Variants in CNMD observed in about 807,000 individuals in gnomAD.
The protein encoded by CNMD is chondromodulin, also known as leukocyte cell-derived chemotaxin 1.
Under a neutral mutation model 37.5 loss-of-function variants are expected in CNMD, and 30 were observed. That is an observed-to-expected ratio of 0.80 (90% CI 0.60 to 1.09). CNMD has a LOEUF of 1.09. Among genes scored for constraint, CNMD ranks in the 50% least tolerant of loss-of-function variants. The pLI, the probability that CNMD is intolerant of heterozygous loss-of-function variation, is 0.00. For missense variants in CNMD, 398 were observed against 423.9 expected, an observed-to-expected ratio of 0.94 and a Z score of 0.54; for synonymous variants, 167 against 148.2, an observed-to-expected ratio of 1.13 and a Z score of -0.92.
chr13:52,736,059 T>C (rs981618320), intron 2 of CNMD, among the ~76,000 whole-genome samples: 4 of 151,446 alleles, frequency 2.6e-5, no homozygotes, highest in Admixed American at 1.3e-4. Context: ...AGTGGCACAA[T>C]CTCCACTCAC....
chr13:52,719,551 G>C (rs905506343), intron 4 of CNMD, among the ~76,000 whole-genome samples: 1 of 152,202 alleles, frequency 6.6e-6, no homozygotes, highest in Admixed American at 6.5e-5. Flanking sequence ...GCATTTGCTT[G>C]TCTGTAAAGG....
intron 3 of CNMD, among the ~76,000 whole-genome samples, chr13:52,727,460 G>A (rs989027653): frequency 1.3e-5 from 2 of 152,078 alleles, no homozygotes; most frequent in African/African-American, 4.8e-5. Context: ...CCAGGAGTTC[G>A]CAACCAGCCT....
In CNMD at chr13:52,739,498, C is replaced by A; in HGVS notation, c.72+132G>T. 1.2e-6 allele frequency: 1 copy of A among 837,320 alleles called. No homozygotes were observed. Among genetic ancestry groups the A allele is most frequent in the South Asian group, 1.6e-5 (1 of 63,260 alleles). 51.9% of individuals were successfully genotyped at this position (837,320 alleles called of 1,614,324 possible). A position where few individuals can be genotyped will look rare whatever the true frequency, so the allele number is the denominator to read the frequency against. On this transcript the variant is annotated intron_variant, in intron 1 of 6. Transcript: ENST00000377962. The surrounding 1 kb of genome is among the most constrained non-coding windows in gnomAD (Gnocchi z 5.4). ...CATACGCGTGGGGCGACATCCCACC[C>A]ACACATTTGGGACCCAAATTTATCC...
At chr13:52,729,802 G>A (rs1964632441) in intron 3 of CNMD, among the ~76,000 whole-genome samples, 1 of 151,876 alleles carries the variant, frequency 6.6e-6, no homozygotes, top group Non-Finnish European at 1.5e-5. Flanking sequence ...ATGCCCATCA[G>A]TTTATTCTTT....
intron 4 of CNMD, among the ~76,000 whole-genome samples, chr13:52,713,440 C>T (rs926009606): frequency 6.6e-6 from 1 of 152,154 alleles, no homozygotes; most frequent in Non-Finnish European, 1.5e-5. Context: ...AAAGTTAAAC[C>T]CTGGATTTTC....
chr13:52,706,954 C>T (rs973722276), intron 6 of CNMD, among the ~76,000 whole-genome samples: 7 of 152,082 alleles, frequency 4.6e-5, no homozygotes, highest in East Asian at 1.9e-4. Flanking sequence ...AGTGCAATGG[C>T]GTGATCTTGG....
At chr13:52,718,678 C>T (rs1964430432) in intron 4 of CNMD, among the ~76,000 whole-genome samples, 1 of 152,120 alleles carries the variant, frequency 6.6e-6, no homozygotes, top group African/African-American at 2.4e-5. Context: ...ATCCTGAGTT[C>T]TAATTTGATT....
At chr13:52,708,510 T>C in intron 6 of CNMD, 26 bp downstream of exon 6, 2 of 1,599,276 alleles carry the variant, frequency 1.3e-6, no homozygotes, top group Non-Finnish European at 1.7e-6. Context: ...ATTTGTCTAA[T>C]CATGTCAAAA....
At chr13:52,711,905 G>T (rs972464259) in intron 5 of CNMD, among the ~76,000 whole-genome samples, 3 of 151,346 alleles carry the variant, frequency 2.0e-5, no homozygotes, top group Non-Finnish European at 4.4e-5. Flanking sequence ...AAGCCTAGTG[G>T]TTTTAAAGGC....
At chr13:52,730,250 C>T (rs1594288453) in intron 3 of CNMD, among the ~76,000 whole-genome samples, 1 of 151,950 alleles carries the variant, frequency 6.6e-6, no homozygotes, top group South Asian at 2.1e-4. Context: ...GGTTCCAAGT[C>T]TTTGCTATCG....
rs143868644 is a variant in CNMD at position 52,721,694 on chromosome 13, T to C, written c.468+2303A>G. On this transcript the variant is annotated intron_variant, in intron 4 of 6. Transcript: ENST00000377962. ...AAATGCAGAAATCACCTGCCTTCTG[T>C]GTTGATCTCACTGGGAGCTGCAAAC... Among the ~76,000 whole-genome samples the C allele has an allele frequency of 4.9e-4, 74 of 152,338 alleles. 2 individuals carry two copies. In the East Asian group the frequency reaches 0.012, roughly 25 times the overall value.
chr13:52,739,819 C>T lies in CNMD; in HGVS notation c.-118G>A, dbSNP rs1185763318. On this transcript the variant is annotated 5_prime_UTR_variant, in exon 1 of 7. Transcript: ENST00000377962. This position sits in a 1 kb window ranked among gnomAD's most constrained non-coding sequence, Gnocchi z 5.4. ...GCGCACACACGGTGCACGGTCCCGC[C>T]TGGGCCAGCCCAGCGGTCCCCACCC... 1.2e-6 allele frequency: 1 copy of T among 820,848 alleles called. No homozygotes were observed. The highest frequency in any genetic ancestry group is 2.2e-5 in the Admixed American group (1 of 46,400). The allele number at this position is 820,848 out of a possible 1,614,324, so 50.8% of individuals were successfully genotyped here. A position where few individuals can be genotyped will look rare whatever the true frequency, so the allele number is the denominator to read the frequency against.
At chr13:52,731,959 C>T (rs183292397) in intron 3 of CNMD, among the ~76,000 whole-genome samples, 3 of 152,358 alleles carry the variant, frequency 2.0e-5, no homozygotes, top group South Asian at 2.1e-4. Context: ...AAACAAAGTG[C>T]GTCTGGGCAC....
chr13:52,712,811 T>A lies in CNMD; in HGVS notation c.527A>T (p.Asp176Val), dbSNP rs1566220436. The A allele has an allele frequency of 5.0e-6, 8 of 1,594,426 alleles. No homozygotes were observed. Among genetic ancestry groups the A allele is most frequent in the Non-Finnish European group, 6.8e-6 (8 of 1,170,342 alleles). The change falls in exon 5 of 7, where the codon GAT (aspartate) becomes GTT (valine). Residue 176 changes from aspartate to valine, a missense_variant. By Grantham distance (152) the Asp-to-Val change is radical. Coordinates refer to ENST00000377962, the MANE Select transcript of CNMD (RefSeq NM_007015.3). The stretch of plus-strand genomic sequence containing the variant: ...GAAGCTGTTGTCCTTCACAGGCTGA[T>A]CTACAGCCACCCAGATAAGAGAATT... ...EENSLIWVAV[D>V]QPVKDNSFLS...
chr13:52,733,448 A>C, intron 2 of CNMD, 89 bp from the exon 3 acceptor site: 1 of 1,167,350 alleles, frequency 8.6e-7, no homozygotes, highest in Non-Finnish European at 1.3e-6. Context: ...GGTAGTGTCC[A>C]TATGTTTCAG....
chr13:52,716,812 G>T (rs553514245), intron 4 of CNMD, among the ~76,000 whole-genome samples: 80 of 152,216 alleles, frequency 5.3e-4, no homozygotes, highest in African/African-American at 1.9e-3. Context: ...TTTTGCATAG[G>T]ATTGTCTTGG....
At chr13:52,708,915 A>G (rs933930467) in intron 5 of CNMD, among the ~76,000 whole-genome samples, 1 of 152,188 alleles carries the variant, frequency 6.6e-6, no homozygotes, top group African/African-American at 2.4e-5. Context: ...TTGGTTTTGT[A>G]ATACTAATTG....
chr13:52,718,468 G>C (rs993978792), intron 4 of CNMD, among the ~76,000 whole-genome samples: 2 of 151,986 alleles, frequency 1.3e-5, no homozygotes, highest in Non-Finnish European at 2.9e-5. Flanking sequence ...GCTTTCTCCT[G>C]TGGGCATTTT....
At chr13:52,712,924 TAA>T (rs2138230318) in intron 4 of CNMD, 55 bp from the exon 5 acceptor site, 4 of 1,368,258 alleles carry the variant, frequency 2.9e-6, no homozygotes, top group East Asian at 2.4e-5. Context: ...CAAATTGTAT[TAA>T]GAGTCATGTG....
Sources: allele counts gnomAD v4.1 joint callset (sites outside exome capture counted in the v4.1 genomes callset), GRCh38; gene constraint gnomAD v4.1.1; non-coding constraint Gnocchi (gnomAD v3.1); transcripts MANE v1.5; gene names NCBI Gene and HGNC (gene_info 2026-07-23, HGNC 2026-07-21).